Variants in ACIN1 observed in about 807,000 individuals in gnomAD.
ACIN1 encodes the protein apoptotic chromatin condensation inducer 1, also known as apoptotic chromatin condensation inducer in the nucleus.
Under a neutral mutation model 146.6 loss-of-function variants are expected in ACIN1, and 16 were observed. The observed-to-expected ratio is 0.11, with a 90% CI of 0.07 to 0.17. The LOEUF (loss-of-function observed/expected upper bound fraction) is 0.17. Among genes scored for constraint, ACIN1 ranks in the 10% least tolerant of loss-of-function variants. The pLI is 1.00. For synonymous variants in ACIN1, 569 were observed against 582.7 expected (o/e 0.98, Z 0.34); for missense variants, 1,357 against 1,609.3 (o/e 0.84, Z 2.68).
chr14:23,068,813 TCTC>T lies in ACIN1; in HGVS notation c.2265+660_2265+662del. 1.0e-6 allele frequency: 1 copy of T among 985,210 alleles called. No individual in the cohort carries two copies. Among genetic ancestry groups the T allele is most frequent in the Non-Finnish European group, 1.2e-6 (1 of 829,914 alleles). The allele number at this position is 985,210 out of a possible 1,614,324, so 61.0% of individuals were successfully genotyped here. A position where few individuals can be genotyped will look rare whatever the true frequency, so the allele number is the denominator to read the frequency against. On this transcript the variant is annotated intron_variant, in intron 9 of 18. Coordinates refer to ENST00000605057, the MANE Select transcript of ACIN1 (RefSeq NM_001386863.1). The surrounding 1 kb of genome is among the most constrained non-coding windows in gnomAD (Gnocchi z 4.3). ...ACAGTCCCTCCCACCTTGTTACCCC[TCTC>T]CTAAACCCAGCTCATTCTTTCTCAA...
chr14:23,063,317 A>G, intron 13 of ACIN1, 119 bp downstream of exon 13: 1 of 1,338,832 alleles, frequency 7.5e-7, no homozygotes. Flanking sequence ...GGAGAAAGAT[A>G]TGATATACGA....
In ACIN1 at chr14:23,058,880, C is replaced by T. The variant is rs994285961; in HGVS notation, c.*268G>A. 1.6e-5 allele frequency: 8 copies of T among 509,126 alleles called. No individual in the cohort carries two copies. In the Admixed American group the frequency reaches 2.6e-4, roughly 17 times the overall value. The allele number at this position is 509,126 out of a possible 1,614,324, so 31.5% of individuals were successfully genotyped here. A position where few individuals can be genotyped will look rare whatever the true frequency, so the allele number is the denominator to read the frequency against. On this transcript the variant is annotated 3_prime_UTR_variant, in exon 19 of 19. Transcript: ENST00000605057. ...TGGGGCACCTGGCTGTTCCCCATCTCTGGCCAACCACCTCCTTGCCTAACC... is the reference window on the plus strand; with the variant it reads ...TGGGGCACCTGGCTGTTCCCCATCTTTGGCCAACCACCTCCTTGCCTAACC...
chr14:23,078,326 C>T, intron 7 of ACIN1, 60 bp from the exon 8 acceptor site: 2 of 1,501,048 alleles, frequency 1.3e-6, no homozygotes, highest in Non-Finnish European at 1.8e-6. Context: ...GGTTCCTTTT[C>T]TTCTACCTGG....
Position 23,062,507 on chromosome 14 carries a change from A to G in ACIN1, c.2900T>C (p.Leu967Ser), listed in dbSNP as rs2140003931. ...HISNLVRPFT[L>S]GQLKELLGRT... ...CCCCAACAACTCCTTTAGCTGGCCT[A>G]AAGTGAAAGGACGGACCTGCCAATG... is the stretch of plus-strand genomic sequence containing the variant. The change falls in exon 15 of 19, where the codon TTA becomes TCA. Residue 967 changes from leucine to serine, a missense_variant. By Grantham distance (145) the Leu-to-Ser change is moderately radical. Around this residue, in one of 4 missense-constraint regions of ACIN1, gnomAD observed 509 missense variants for 719.6 expected, o/e 0.71. Coordinates refer to ENST00000605057, the MANE Select transcript of ACIN1 (RefSeq NM_001386863.1). The G allele has an allele frequency of 6.2e-7, 1 of 1,614,222 alleles. No individual in the cohort carries two copies. The highest frequency in any genetic ancestry group is 8.5e-7 in the Non-Finnish European group (1 of 1,180,026).
chr14:23,073,941 C>T (rs2047732185), intron 8 of ACIN1, among the ~76,000 whole-genome samples: 1 of 151,130 alleles, frequency 6.6e-6, no homozygotes, highest in South Asian at 2.1e-4. Context: ...GGGGTTCACA[C>T]CATTCTCCTG....
intron 8 of ACIN1, chr14:23,071,245 A>G: frequency 6.6e-7 from 1 of 1,517,476 alleles, no homozygotes. Context: ...AATAAAGAAA[A>G]AAAACCACAC....
chr14:23,076,958 G>GAA (rs2047817578), intron 8 of ACIN1, among the ~76,000 whole-genome samples: 1 of 151,988 alleles, frequency 6.6e-6, no homozygotes. Context: ...TTCCAGAAGG[G>GAA]AAAAACCAAA....
chr14:23,063,255 C>T, intron 13 of ACIN1, 181 bp from the exon 14 acceptor site: 2 of 1,110,468 alleles, frequency 1.8e-6, no homozygotes, highest in Non-Finnish European at 2.5e-6. Flanking sequence ...CATGGAGATT[C>T]AAAGATTAAA....
At position 23,061,524 on chromosome 14, in the gene ACIN1, C is replaced by A. The variant is rs140303626; in HGVS notation, c.3198G>T (p.Pro1066=). 88 of 193,152 alleles carry A rather than the reference C, an allele frequency of 4.6e-4. 1 individual carries two copies. Among genetic ancestry groups the A allele is most frequent in the Middle Eastern group, 3.4e-3 (6 of 1,766 alleles). The allele number at this position is 193,152 out of a possible 1,614,324, so 12.0% of individuals were successfully genotyped here. The change falls in exon 17 of 19, where the codon CCG becomes CCT. Residue 1066 remains proline (P), a synonymous_variant. Coordinates refer to ENST00000605057, the MANE Select transcript of ACIN1 (RefSeq NM_001386863.1). The part of the protein sequence containing the change: ...PRPLHPPPPP[P]VQPPQHPRAE... ...CCCGGGGGTGCTGTGGTGGCTGGAC[C>A]GGGGGTGGGGGTGGGGGGTGCAGGG...
intron 15 of ACIN1, 45 bp downstream of exon 15, chr14:23,062,371 A>G: frequency 6.2e-7 from 1 of 1,609,864 alleles, no homozygotes; most frequent in Non-Finnish European, 8.5e-7. Context: ...TGGTCACAAA[A>G]GGAAATATAT....
Position 23,063,015 on chromosome 14 carries a change from T to C in ACIN1, c.2797A>G (p.Ile933Val). 1 of 1,613,908 alleles carries C rather than the reference T, an allele frequency of 6.2e-7. No homozygotes were observed. The highest frequency in any genetic ancestry group is 1.1e-5 in the South Asian group (1 of 91,012). ...SISQQKSGVS[I>V]TIDDPVRTAQ... Reference sequence around the variant, plus strand: ...GTTCGGACTGGGTCATCAATGGTAATGGAAACTCCGGACTTCTGCTGGCTA... The same window carrying C: ...GTTCGGACTGGGTCATCAATGGTAACGGAAACTCCGGACTTCTGCTGGCTA... The change falls in exon 14 of 19, where the codon ATT becomes GTT. Residue 933 changes from isoleucine (I) to valine (V), a missense_variant. Physicochemically the swap from Ile to Val is conservative, Grantham distance 29. Around this residue, in one of 4 missense-constraint regions of ACIN1, gnomAD observed 509 missense variants for 719.6 expected, o/e 0.71. Coordinates refer to ENST00000605057, the MANE Select transcript of ACIN1 (RefSeq NM_001386863.1).
chr14:23,069,248 G>C (rs535765633), intron 9 of ACIN1: 12 of 1,235,988 alleles, frequency 9.7e-6, no homozygotes, highest in African/African-American at 6.2e-5. Context: ...TAGAGTCTGG[G>C]CACTACTTCC....
In ACIN1 at chr14:23,068,346, A is replaced by G; in HGVS notation, c.2265+1130T>C. The G allele has an allele frequency of 1.0e-6, 1 of 985,994 alleles. No homozygotes were observed. Among genetic ancestry groups the G allele is most frequent in the Non-Finnish European group, 1.2e-6 (1 of 830,010 alleles). The allele number at this position is 985,994 out of a possible 1,614,324, so 61.1% of individuals were successfully genotyped here. ...AGGGCATGTGGGCAGGCGCCCCAGCACTGGCACAAGCTCTTCTTGGGGTGT... is the reference window on the plus strand; with the variant it reads ...AGGGCATGTGGGCAGGCGCCCCAGCGCTGGCACAAGCTCTTCTTGGGGTGT... On this transcript the variant is annotated intron_variant, in intron 9 of 18. Transcript: ENST00000605057. The surrounding 1 kb of genome is among the most constrained non-coding windows in gnomAD (Gnocchi z 4.3).
At chr14:23,084,812 G>T (rs1594780404) in intron 4 of ACIN1, among the ~76,000 whole-genome samples, 1 of 152,246 alleles carries the variant, frequency 6.6e-6, no homozygotes, top group Non-Finnish European at 1.5e-5. Context: ...ATAGTGAAAG[G>T]CCAGACTCTT....
rs985839169 is a variant in ACIN1 at position 23,062,313 on chromosome 14, G to T, written c.2992-38C>A. ...GGGAGAAGATGGAGGGTCACAGTGT[G>T]TCTGCAACCCTTCCCACGTGCTGCA... On this transcript the variant is annotated intron_variant, in intron 15 of 18. Transcript: ENST00000605057. 3 of 1,595,148 alleles carry T rather than the reference G, an allele frequency of 1.9e-6. No homozygotes were observed. In the African/African-American group the frequency reaches 4.0e-5, roughly 21 times the overall value.
intron 1 of ACIN1, chr14:23,094,651 T>G (rs536737376): frequency 3.8e-6 from 3 of 796,470 alleles, no homozygotes; most frequent in African/African-American, 1.8e-5. Context: ...TGTAGTGGGA[T>G]TTAACTCCTT....
rs61741619 is a variant in ACIN1, at chr14:23,079,578, C to T, written c.1757G>A (p.Arg586His). The T allele has an allele frequency of 6.8e-6, 11 of 1,613,810 alleles. No homozygotes were observed. The highest frequency in any genetic ancestry group is 6.7e-5 in the East Asian group (3 of 44,874). ...GCTGTTGCTTGATGCTGAACGAGAA[C>T]GTGAACGTGACCTTGATCTGGACTC... The part of the protein sequence containing the change: ...TSESRSRSRS[R>H]SRSASSNSRK... Residue 586 changes from arginine (R) to histidine (H), a missense_variant, in exon 6 of 19, where the codon CGT becomes CAT. By Grantham distance (29) the Arg-to-His change is conservative. This residue lies in a region of ACIN1 where 771 missense variants were observed against 746.6 expected (regional missense o/e 1.03). Coordinates refer to ENST00000605057, the MANE Select transcript of ACIN1 (RefSeq NM_001386863.1).
At position 23,078,190 on chromosome 14, in the gene ACIN1, G is replaced by A. The variant is rs759647539; in HGVS notation, c.2084C>T (p.Thr695Ile). The change falls in exon 8 of 19, where the codon ACC becomes ATC. Residue 695 changes from threonine (T) to isoleucine (I), a missense_variant. Coordinates refer to ENST00000605057, the MANE Select transcript of ACIN1 (RefSeq NM_001386863.1). ...ATQPQTSETQ[T>I]SHLPESERIH... Reference sequence around the variant, plus strand: ...TCTTTCTGATTCTGGCAGATGAGAGGTCTGAGTCTCTGAGGTTTGGGGCTG... The same window carrying A: ...TCTTTCTGATTCTGGCAGATGAGAGATCTGAGTCTCTGAGGTTTGGGGCTG... The A allele has an allele frequency of 6.2e-7, 1 of 1,614,192 alleles. No homozygotes were observed. Among genetic ancestry groups the A allele is most frequent in the Non-Finnish European group, 8.5e-7 (1 of 1,180,028 alleles).
intron 18 of ACIN1, among the ~76,000 whole-genome samples, chr14:23,060,212 G>A (rs541489966): frequency 1.9e-4 from 29 of 151,816 alleles, no homozygotes; most frequent in African/African-American, 3.6e-4. Flanking sequence ...TAGATGATCC[G>A]CCCACCTCAG....
Sources: gnomAD v4.1 joint callset for allele counts (sites outside exome capture counted in the v4.1 genomes callset) on GRCh38, gnomAD v4.1.1 for gene constraint, gnomAD v4.1.1 regional missense constraint, Gnocchi (gnomAD v3.1) non-coding constraint, MANE v1.5 for transcripts, NCBI Gene and HGNC (gene_info 2026-07-23, HGNC 2026-07-21) for gene names.